Variants in GRID2 observed in about 807,000 individuals in gnomAD.
GRID2 encodes the protein glutamate ionotropic receptor delta type subunit 2.
In GRID2, 33 loss-of-function variants were observed where a neutral mutation model predicts 114.8. That is an observed-to-expected ratio of 0.29 (90% confidence interval 0.22 to 0.38). The LOEUF (loss-of-function observed/expected upper bound fraction) is 0.38. Among genes scored for constraint, GRID2 ranks in the 10% least tolerant of loss-of-function variants. GRID2 has a pLI of 1.00. For missense variants in GRID2, 1,184 were observed against 1,257.7 expected, an observed-to-expected ratio of 0.94 and a Z score of 0.89; for synonymous variants, 505 against 449.9, an observed-to-expected ratio of 1.12 and a Z score of -1.55.
chr4:93,502,120 G>A (rs1375597006), intron 12 of GRID2, among the ~76,000 whole-genome samples: 1 of 152,108 alleles, frequency 6.6e-6, no homozygotes, highest in Non-Finnish European at 1.5e-5. Context: ...GAAGAGTAGT[G>A]ATGAAAATCA....
At chr4:92,324,962 C>T (rs1264975047) in intron 1 of GRID2, among the ~76,000 whole-genome samples, 2 of 151,810 alleles carry the variant, frequency 1.3e-5, no homozygotes, top group African/African-American at 4.8e-5. Context: ...TTCCAAAAAT[C>T]CAACTATACA....
At chr4:92,516,698 A>C (rs996624055) in intron 1 of GRID2, among the ~76,000 whole-genome samples, 1 of 151,826 alleles carries the variant, frequency 6.6e-6, no homozygotes, top group African/African-American at 2.4e-5. Flanking sequence ...AGGAGGTGCC[A>C]GGCAAACAGG....
At chr4:93,145,206 T>A (rs1736095656) in intron 4 of GRID2, among the ~76,000 whole-genome samples, 1 of 152,260 alleles carries the variant, frequency 6.6e-6, no homozygotes, top group Non-Finnish European at 1.5e-5. Flanking sequence ...TTTTAGTTAC[T>A]TATTTGTTAA....
At chr4:93,209,042 A>G (rs1743140755) in intron 5 of GRID2, among the ~76,000 whole-genome samples, 1 of 152,064 alleles carries the variant, frequency 6.6e-6, no homozygotes, top group Non-Finnish European at 1.5e-5. Flanking sequence ...TGATAATGGA[A>G]TTTAAAACTT....
At chr4:92,970,316 C>CT (rs1324471381) in intron 2 of GRID2, among the ~76,000 whole-genome samples, 1 of 151,870 alleles carries the variant, frequency 6.6e-6, no homozygotes, top group African/African-American at 2.4e-5. Context: ...TATTCAGTCT[C>CT]TTCAATCACC....
chr4:92,612,996 G>T (rs1054409247), intron 2 of GRID2, among the ~76,000 whole-genome samples: 1 of 151,218 alleles, frequency 6.6e-6, no homozygotes, highest in Non-Finnish European at 1.5e-5. Context: ...ACCATTTCCT[G>T]TTTCTAATAT....
At chr4:92,326,155 T>C (rs971931980) in intron 1 of GRID2, among the ~76,000 whole-genome samples, 3 of 151,876 alleles carry the variant, frequency 2.0e-5, no homozygotes, top group African/African-American at 7.2e-5. Context: ...ACTAGACTTG[T>C]CTTTCAGAAT....
At position 93,227,753 on chromosome 4, in the gene GRID2, A is replaced by G. The variant is rs990323146; in HGVS notation, c.1125+2978A>G. 3.4e-4 allele frequency among the ~76,000 whole-genome samples: 52 copies of G among 152,216 alleles called. 1 individual carries two copies. The highest frequency in any genetic ancestry group is 1.2e-3 in the African/African-American group (51 of 41,466). On this transcript the variant is annotated intron_variant, in intron 7 of 15. Transcript: ENST00000282020. ...ATTGCCCCTAAGTTCTGAATTCTAC[A>G]AAGTCCTAGAATATGGCCACAATTC...
intron 13 of GRID2, among the ~76,000 whole-genome samples, chr4:93,593,400 T>C (rs1198410294): frequency 7.5e-6 from 1 of 134,114 alleles, no homozygotes; most frequent in East Asian, 2.1e-4. Flanking sequence ...TCTTCTGGCT[T>C]GTAGGGTTTC....
At chr4:92,336,362 C>G (rs1227527264) in intron 1 of GRID2, among the ~76,000 whole-genome samples, 1 of 152,116 alleles carries the variant, frequency 6.6e-6, no homozygotes, top group East Asian at 1.9e-4. Flanking sequence ...ACCTCCTAAC[C>G]AATTAAACAT....
At chr4:93,020,395 T>C (rs1723166308) in intron 2 of GRID2, among the ~76,000 whole-genome samples, 1 of 152,166 alleles carries the variant, frequency 6.6e-6, no homozygotes, top group Non-Finnish European at 1.5e-5. Flanking sequence ...AATCCTGCTG[T>C]TCATATACAG....
intron 11 of GRID2, among the ~76,000 whole-genome samples, chr4:93,462,575 C>G (rs754247297): frequency 1.3e-5 from 2 of 152,114 alleles, no homozygotes; most frequent in African/African-American, 2.4e-5. Flanking sequence ...AGATGGATCA[C>G]ACTATTATAC....
intron 3 of GRID2, among the ~76,000 whole-genome samples, chr4:93,088,432 G>A (rs72885784): frequency 0.056 from 8,583 of 152,148 alleles, 390 homozygotes; most frequent in East Asian, 0.14. Flanking sequence ...TAAGCTTACA[G>A]TTAACAACAG....
intron 1 of GRID2, among the ~76,000 whole-genome samples, chr4:92,560,496 T>C (rs1727054045): frequency 6.6e-6 from 1 of 152,192 alleles, no homozygotes; most frequent in Non-Finnish European, 1.5e-5. Flanking sequence ...GAATATTACA[T>C]TGAGGATGAA....
intron 9 of GRID2, among the ~76,000 whole-genome samples, chr4:93,419,538 C>A (rs117183322): frequency 6.6e-6 from 1 of 151,836 alleles, no homozygotes; most frequent in African/African-American, 2.4e-5. Context: ...GGTCCAAATC[C>A]GTAATAGAGC....
chr4:92,538,807 C>T (rs532489116), intron 1 of GRID2, among the ~76,000 whole-genome samples: 1 of 152,084 alleles, frequency 6.6e-6, no homozygotes, highest in South Asian at 2.1e-4. Flanking sequence ...TGGTGAGTGT[C>T]ATTATTAAAA....
At chr4:92,362,343 AT>A (rs150167310) in intron 1 of GRID2, among the ~76,000 whole-genome samples, 1 of 151,846 alleles carries the variant, frequency 6.6e-6, no homozygotes, top group African/African-American at 2.4e-5. Context: ...GGGAAGTATG[AT>A]TTTTTTTGCC....
chr4:93,159,709 T>TC (rs1737507139), intron 4 of GRID2, among the ~76,000 whole-genome samples: 1 of 146,926 alleles, frequency 6.8e-6, no homozygotes, highest in East Asian at 2.0e-4. Context: ...TTTTTTTTTT[T>TC]GCTTTTCTGT....
chr4:93,182,701 G>T (rs1012218199), intron 4 of GRID2, among the ~76,000 whole-genome samples: 1 of 152,166 alleles, frequency 6.6e-6, no homozygotes, highest in Non-Finnish European at 1.5e-5. Context: ...GAAACTTCAA[G>T]ATTCTACACC....
Sources: allele counts gnomAD v4.1 joint callset (sites outside exome capture counted in the v4.1 genomes callset), GRCh38; gene constraint gnomAD v4.1.1; transcripts MANE v1.5; gene names NCBI Gene and HGNC (gene_info 2026-07-23, HGNC 2026-07-21).